Variants in MAN2B1 observed in about 807,000 individuals in gnomAD.
MAN2B1 encodes mannosidase alpha class 2B member 1, also known as lysosomal alpha-mannosidase.
A neutral mutation model predicts 127.5 loss-of-function variants in MAN2B1; 99 were observed. That is an observed-to-expected ratio of 0.78 (90% CI 0.66 to 0.92). MAN2B1 has a LOEUF of 0.92. Ranked by LOEUF, MAN2B1 falls within the 40% of genes least tolerant of loss-of-function variation. The probability of loss-of-function intolerance (pLI) is 0.00; values close to 1 mark genes in which losing one functional copy is unlikely to be tolerated. For missense variants in MAN2B1, 1,304 were observed against 1,384.8 expected (o/e 0.94, Z 0.93); for synonymous variants, 573 against 568.8 (o/e 1.01, Z -0.11).
rs1555708156 is a variant in MAN2B1 at position 12,657,556 on chromosome 19, C to T, written c.1310-1G>A. 2 of 1,558,668 alleles carry T rather than the reference C, an allele frequency of 1.3e-6. No individual in the cohort carries two copies. The highest frequency in any genetic ancestry group is 1.4e-5 in the African/African-American group (1 of 73,784). On this transcript the variant is annotated splice_acceptor_variant, in intron 10 of 23. Coordinates refer to ENST00000456935, the MANE Select transcript of MAN2B1 (RefSeq NM_000528.4). LOFTEE classifies it high-confidence loss of function. Reference sequence around the variant, plus strand: ...TGCTGGAGCACAGCCATCGCCTCATCTGCTCATAGACAATGAGTCCGGTGA... The same window carrying T: ...TGCTGGAGCACAGCCATCGCCTCATTTGCTCATAGACAATGAGTCCGGTGA...
In MAN2B1 at chr19:12,646,526, A is replaced by G; in HGVS notation, c.*94T>C. ...ACAGAGCGACCTGAGTCTTAGTAGT[A>G]GCGTTTTAATGGCAGCAGCCCCAAG... is the stretch of plus-strand genomic sequence containing the variant. On this transcript the variant is annotated 3_prime_UTR_variant, in exon 24 of 24. Coordinates refer to ENST00000456935, the MANE Select transcript of MAN2B1 (RefSeq NM_000528.4). The G allele has an allele frequency of 1.1e-6, 1 of 935,390 alleles. No individual in the cohort carries two copies. Among genetic ancestry groups the G allele is most frequent in the South Asian group, 1.3e-5 (1 of 75,428 alleles). 57.9% of individuals were successfully genotyped at this position (935,390 alleles called of 1,614,324 possible).
intron 14 of MAN2B1, among the ~76,000 whole-genome samples, 155 bp from the exon 15 acceptor site, chr19:12,652,615 C>A (rs1161042528): frequency 2.0e-5 from 3 of 151,136 alleles, no homozygotes; most frequent in East Asian, 1.9e-4. Flanking sequence ...CACTGCACCC[C>A]CCACCTCCCG....
rs745928175 is a variant in MAN2B1 at position 12,648,360 on chromosome 19, C to G, written c.2479G>C (p.Glu827Gln). The change falls in exon 21 of 24, where the codon GAG becomes CAG. Residue 827 changes from glutamate (E) to glutamine (Q), a missense_variant. Coordinates refer to ENST00000456935, the MANE Select transcript of MAN2B1 (RefSeq NM_000528.4). Reference sequence around the variant, plus strand: ...CCCGACCCGTTCTCCATTAGTGGCTCCGATACTCCGCGTCCATCGTCCTTC... The same window carrying G: ...CCCGACCCGTTCTCCATTAGTGGCTGCGATACTCCGCGTCCATCGTCCTTC... ...LLKDDGRGVSEPLMENGSGAW... is the reference protein window; with the variant it reads ...LLKDDGRGVSQPLMENGSGAW... 6 of 1,613,472 alleles carry G rather than the reference C, an allele frequency of 3.7e-6. No homozygotes were observed. The African/African-American group carries it at 8.0e-5, about 22-fold the overall frequency.
chr19:12,655,662 G>T, intron 14 of MAN2B1, 32 bp downstream of exon 14: 1 of 1,597,348 alleles, frequency 6.3e-7, no homozygotes, highest in Non-Finnish European at 8.5e-7. Flanking sequence ...TTTGTCACAG[G>T]AGCAGGAAAG....
chr19:12,658,164 G>C (rs2024017095), intron 9 of MAN2B1, 23 bp from the exon 10 acceptor site: 3 of 1,613,442 alleles, frequency 1.9e-6, no homozygotes, highest in Non-Finnish European at 1.7e-6. Context: ...GGGTATGTTG[G>C]GGCGCCCAGC....
rs2024202251 is a variant in MAN2B1, at chr19:12,665,250, GT to G, written c.436+101del. On this transcript the variant is annotated intron_variant, in intron 3 of 23. Coordinates refer to ENST00000456935, the MANE Select transcript of MAN2B1 (RefSeq NM_000528.4). ...TCCAGGCAGGCGGAGCGACACGCAT[GT>G]TATACAGCTTGCACGTGGCATGACA... is the stretch of plus-strand genomic sequence containing the variant. 3 of 1,435,602 alleles carry G rather than the reference GT, an allele frequency of 2.1e-6. No homozygotes were observed. In the South Asian group the frequency reaches 3.5e-5, roughly 17 times the overall value. The allele number at this position is 1,435,602 out of a possible 1,614,324, so 88.9% of individuals were successfully genotyped here.
Position 12,648,290 on chromosome 19 carries a change from T to C in MAN2B1, c.2549A>G (p.Gln850Arg), listed in dbSNP as rs768244588. The C allele has an allele frequency of 6.2e-7, 1 of 1,612,114 alleles. No homozygotes were observed. Among genetic ancestry groups the C allele is most frequent in the South Asian group, 1.1e-5 (1 of 91,024 alleles). Residue 850 changes from glutamine (Q) to arginine (R), a missense_variant, in exon 21 of 24, where the codon CAG (glutamine) becomes CGG (arginine). Gln to Arg is a conservative substitution (Grantham distance 43, BLOSUM62 1). Transcript: ENST00000456935. ...GRHLVLLDTA[Q>R]AAAAGHRLLA... ...GAGCCGGTGTCCGGCGGCTGCAGCC[T>C]GGGCTGTGTCCAGCAGCACCAGGTG...
At position 12,663,505 on chromosome 19, in the gene MAN2B1, C is replaced by T. The variant is rs141182669; in HGVS notation, c.764-43G>A. 2.4e-4 allele frequency: 380 copies of T among 1,609,308 alleles called. No homozygotes were observed. The African/African-American group carries it at 4.0e-3, about 17-fold the overall frequency. On this transcript the variant is annotated intron_variant, in intron 5 of 23. Coordinates refer to ENST00000456935, the MANE Select transcript of MAN2B1 (RefSeq NM_000528.4). ...TTCAAGGGGTGGCCCATCACCCAGA[C>T]CTTCCCTGGTTTCAAAGCCGGCCAT...
At chr19:12,657,357 C>T (rs896005702) in intron 11 of MAN2B1, 89 bp downstream of exon 11, 423 of 1,248,814 alleles carry the variant, frequency 3.4e-4, no homozygotes, top group Middle Eastern at 5.2e-4. Flanking sequence ...TCGGCTACGC[C>T]TCACACCTGT....
Position 12,652,707 on chromosome 19 carries a change from T to A in MAN2B1, c.1831-247A>T, listed in dbSNP as rs536955206. ...CCACCCCGCCTGGCTAATTTTCATA[T>A]TTTTAGTAGAGACAGGGTTTCACCA... is the stretch of plus-strand genomic sequence containing the variant. On this transcript the variant is annotated intron_variant, in intron 14 of 23. Coordinates refer to ENST00000456935, the MANE Select transcript of MAN2B1 (RefSeq NM_000528.4). Among the ~76,000 whole-genome samples the A allele has an allele frequency of 7.9e-5, 12 of 151,956 alleles. No individual in the cohort carries two copies. The South Asian group carries it at 2.5e-3, about 32-fold the overall frequency.
chr19:12,666,431 A>AT (rs2024243565), intron 1 of MAN2B1, 112 bp downstream of exon 1: 1 of 1,214,266 alleles, frequency 8.2e-7, no homozygotes, highest in Middle Eastern at 1.9e-4. Context: ...CCACACTGTC[A>AT]TATCATCAGC....
intron 7 of MAN2B1, among the ~76,000 whole-genome samples, chr19:12,660,313 G>A (rs1247317677): frequency 1.3e-5 from 2 of 152,134 alleles, no homozygotes; most frequent in Non-Finnish European, 2.9e-5. Context: ...AGACCATCCT[G>A]GCCAACATGG....
chr19:12,647,785 C>T lies in MAN2B1; in HGVS notation c.2665-187G>A. 1.6e-6 allele frequency: 1 copy of T among 610,518 alleles called. No homozygotes were observed. Among genetic ancestry groups the T allele is most frequent in the East Asian group, 2.8e-5 (1 of 36,348 alleles). The allele number at this position is 610,518 out of a possible 1,614,324, so 37.8% of individuals were successfully genotyped here. ...GGACTGAGCCAATGGGGAGATGGGTCGGTCCCAAGCTTAGGGTTCGAGTCC... is the reference window on the plus strand; with the variant it reads ...GGACTGAGCCAATGGGGAGATGGGTTGGTCCCAAGCTTAGGGTTCGAGTCC... On this transcript the variant is annotated intron_variant, in intron 21 of 23. Transcript: ENST00000456935. The surrounding 1 kb of genome is among the most constrained non-coding windows in gnomAD (Gnocchi z 4.9).
At chr19:12,653,280 G>A (rs2023884888) in intron 14 of MAN2B1, among the ~76,000 whole-genome samples, 1 of 151,354 alleles carries the variant, frequency 6.6e-6, no homozygotes, top group Non-Finnish European at 1.5e-5. Flanking sequence ...CTGAATAGCT[G>A]GGACTACAGG....
intron 3 of MAN2B1, 132 bp downstream of exon 3, chr19:12,665,220 G>C (rs2024200229): frequency 8.2e-7 from 1 of 1,216,472 alleles, no homozygotes; most frequent in Admixed American, 1.7e-5. Flanking sequence ...TCTCCAAATG[G>C]AGAGTCCAGG....
intron 16 of MAN2B1, among the ~76,000 whole-genome samples, chr19:12,650,816 C>A (rs2023828206): frequency 6.6e-6 from 1 of 151,850 alleles, no homozygotes; most frequent in Admixed American, 6.6e-5. Context: ...ATTGCAGGTA[C>A]CTGCCACCAC....
intron 14 of MAN2B1, among the ~76,000 whole-genome samples, chr19:12,653,723 T>G (rs1472077582): frequency 6.6e-6 from 1 of 152,142 alleles, no homozygotes; most frequent in Non-Finnish European, 1.5e-5. Flanking sequence ...CTGATTTTTT[T>G]TTTGTTTGCT....
At position 12,663,479 on chromosome 19, in the gene MAN2B1, G is replaced by C. The variant is rs1341109760; in HGVS notation, c.764-17C>G. ...GAAGCACACCTGCAGGTCACACCAA[G>C]TTCAAGGGGTGGCCCATCACCCAGA... On this transcript the variant is annotated splice_polypyrimidine_tract_variant and intron_variant, in intron 5 of 23. Transcript: ENST00000456935. The C allele has an allele frequency of 6.2e-7, 1 of 1,612,964 alleles. No homozygotes were observed. The highest frequency in any genetic ancestry group is 2.2e-5 in the East Asian group (1 of 44,884).
intron 4 of MAN2B1, 96 bp from the exon 5 acceptor site, chr19:12,663,931 T>C: frequency 6.5e-7 from 1 of 1,539,744 alleles, no homozygotes; most frequent in South Asian, 1.1e-5. Flanking sequence ...AGAGCACAGG[T>C]TAAAAAGCAG....
Sources: gnomAD v4.1 joint callset for allele counts (sites outside exome capture counted in the v4.1 genomes callset) on GRCh38, gnomAD v4.1.1 for gene constraint, Gnocchi (gnomAD v3.1) non-coding constraint, MANE v1.5 for transcripts, NCBI Gene and HGNC (gene_info 2026-07-23, HGNC 2026-07-21) for gene names.